The following SPAG16 variants were observed in gnomAD, a reference collection of about 807,000 sequenced individuals.
SPAG16 encodes sperm associated antigen 16, also known as sperm-associated antigen 16 protein.
In SPAG16, 86 loss-of-function variants were observed where a neutral mutation model predicts 80.4. The ratio of observed to expected loss-of-function variants is 1.07; its 90% CI spans 0.90 to 1.28. The LOEUF (loss-of-function observed/expected upper bound fraction) is 1.28. Ranked by LOEUF, SPAG16 falls within the 50% of genes most tolerant of loss-of-function variation. SPAG16 has a pLI of 0.00. For missense variants in SPAG16, 870 were observed against 765.3 expected, an observed-to-expected ratio of 1.14 and a Z score of -1.61; for synonymous variants, 294 against 265.9, an observed-to-expected ratio of 1.11 and a Z score of -1.03.
At chr2:214,082,305 C>T (rs1402774472) in intron 13 of SPAG16, among the ~76,000 whole-genome samples, 1 of 152,102 alleles carries the variant, frequency 6.6e-6, no homozygotes, top group Non-Finnish European at 1.5e-5. Flanking sequence ...AAATAAATTT[C>T]TCCTCATCAA....
chr2:214,079,372 A>G (rs2051248842), intron 13 of SPAG16, among the ~76,000 whole-genome samples: 1 of 152,184 alleles, frequency 6.6e-6, no homozygotes, highest in Admixed American at 6.5e-5. Context: ...AATTTTCACA[A>G]TCTGGTAAAG....
intron 15 of SPAG16, among the ~76,000 whole-genome samples, chr2:214,272,731 G>T (rs1692128193): frequency 6.6e-6 from 1 of 152,274 alleles, no homozygotes; most frequent in Non-Finnish European, 1.5e-5. Context: ...TTGCTATCGT[G>T]AATAGTGCTG....
intron 10 of SPAG16, among the ~76,000 whole-genome samples, chr2:213,688,386 C>A (rs527396760): frequency 1.1e-4 from 16 of 152,316 alleles, no homozygotes; most frequent in Non-Finnish European, 1.9e-4. Context: ...AATAGAGATT[C>A]TTTACATATG....
chr2:214,106,498 A>C (rs940011385), intron 13 of SPAG16, among the ~76,000 whole-genome samples: 3 of 152,176 alleles, frequency 2.0e-5, no homozygotes, highest in Non-Finnish European at 4.4e-5. Context: ...GTGAACAAAG[A>C]TTTGTAGCAT....
intron 9 of SPAG16, among the ~76,000 whole-genome samples, chr2:213,419,935 A>G (rs554783084): frequency 3.2e-4 from 48 of 152,320 alleles, no homozygotes; most frequent in African/African-American, 1.1e-3. Flanking sequence ...ATATGTAGTT[A>G]TCTCCCTTTT....
At chr2:213,937,429 T>C (rs527679177) in intron 12 of SPAG16, among the ~76,000 whole-genome samples, 20 of 152,102 alleles carry the variant, frequency 1.3e-4, no homozygotes, top group African/African-American at 4.1e-4. Flanking sequence ...TATGTTACAG[T>C]ATAAGAAATG....
At chr2:213,401,814 T>C (rs2068324717) in intron 9 of SPAG16, among the ~76,000 whole-genome samples, 1 of 152,162 alleles carries the variant, frequency 6.6e-6, no homozygotes. Flanking sequence ...CTTGCATTTA[T>C]CTTTCCTTGC....
intron 10 of SPAG16, among the ~76,000 whole-genome samples, chr2:213,499,442 C>A (rs577488503): frequency 6.6e-6 from 1 of 152,200 alleles, no homozygotes; most frequent in Admixed American, 6.5e-5. Flanking sequence ...TAGTCCCTGA[C>A]AGATAGGAAG....
intron 11 of SPAG16, among the ~76,000 whole-genome samples, chr2:213,868,212 T>G (rs766056100): frequency 1.3e-5 from 2 of 151,476 alleles, no homozygotes; most frequent in Non-Finnish European, 2.9e-5. Context: ...TTTAAAATTG[T>G]GCCAAACTCA....
At chr2:214,328,713 C>T (rs1423751393) in intron 15 of SPAG16, among the ~76,000 whole-genome samples, 1 of 152,164 alleles carries the variant, frequency 6.6e-6, no homozygotes, top group Non-Finnish European at 1.5e-5. Context: ...ATTAATCTGA[C>T]AATTTTCAAT....
At chr2:214,339,160 C>T (rs540727026) in intron 15 of SPAG16, among the ~76,000 whole-genome samples, 2 of 152,224 alleles carry the variant, frequency 1.3e-5, no homozygotes, top group South Asian at 4.1e-4. Flanking sequence ...AGGTTGATTG[C>T]ATTATTAAGA....
At chr2:213,932,147 CATATATATATATAT>C (rs61264162) in intron 12 of SPAG16, among the ~76,000 whole-genome samples, 944 of 30,360 alleles carry the variant, frequency 0.031, 22 homozygotes, top group African/African-American at 0.071. Context: ...CTTGATACTG[CATATATATATATAT>C]ATATATATAT....
At chr2:213,819,295 A>G (rs978887343) in intron 10 of SPAG16, among the ~76,000 whole-genome samples, 1 of 152,212 alleles carries the variant, frequency 6.6e-6, no homozygotes, top group African/African-American at 2.4e-5. Context: ...TTTCCTGGAA[A>G]ATGCCAACAT....
At chr2:213,468,573 C>A (rs960714086) in intron 9 of SPAG16, among the ~76,000 whole-genome samples, 18 of 131,062 alleles carry the variant, frequency 1.4e-4, no homozygotes, top group South Asian at 4.8e-4. Flanking sequence ...ATATATATAT[C>A]TATGTATTTA....
At chr2:213,832,033 G>T (rs1016071433) in intron 10 of SPAG16, among the ~76,000 whole-genome samples, 2 of 151,852 alleles carry the variant, frequency 1.3e-5, no homozygotes, top group Non-Finnish European at 2.9e-5. Flanking sequence ...CACTCACTCT[G>T]TCACCCAGGA....
At chr2:213,418,019 A>G (rs2069364951) in intron 9 of SPAG16, among the ~76,000 whole-genome samples, 1 of 151,976 alleles carries the variant, frequency 6.6e-6, no homozygotes, top group South Asian at 2.1e-4. Flanking sequence ...AATTACAGGC[A>G]TGCTCCATCA....
intron 13 of SPAG16, among the ~76,000 whole-genome samples, chr2:214,056,412 C>A (rs2049948879): frequency 6.6e-6 from 1 of 151,342 alleles, no homozygotes; most frequent in African/African-American, 2.5e-5. Context: ...GCAAGTCACA[C>A]AATTTTTTTT....
chr2:213,616,174 G>A (rs1030400875), intron 10 of SPAG16, among the ~76,000 whole-genome samples: 3 of 152,170 alleles, frequency 2.0e-5, no homozygotes, highest in African/African-American at 7.2e-5. Flanking sequence ...TCAAACCCAA[G>A]CCCTCTGTGC....
At chr2:213,449,775 C>T (rs558385276) in intron 9 of SPAG16, among the ~76,000 whole-genome samples, 1 of 151,964 alleles carries the variant, frequency 6.6e-6, no homozygotes, top group East Asian at 1.9e-4. Flanking sequence ...TGCACATACA[C>T]CCTGTGAACC....
Sources: gnomAD v4.1 joint callset for allele counts (sites outside exome capture counted in the v4.1 genomes callset) on GRCh38, gnomAD v4.1.1 for gene constraint, MANE v1.5 for transcripts, NCBI Gene and HGNC (gene_info 2026-07-23, HGNC 2026-07-21) for gene names.